The following FOXP2 variants were observed in gnomAD, a reference collection of about 807,000 sequenced individuals.
The protein encoded by FOXP2 is forkhead box protein P2.
A neutral mutation model predicts 115.8 loss-of-function variants in FOXP2; 12 were observed. The observed-to-expected ratio is 0.10, with a 90% confidence interval of 0.07 to 0.17. The LOEUF (loss-of-function observed/expected upper bound fraction) is 0.17, where lower values mean the gene tolerates loss of function less well. Ranked by LOEUF, FOXP2 falls within the 10% of genes least tolerant of loss-of-function variation. The pLI, the probability that FOXP2 is intolerant of heterozygous loss-of-function variation, is 1.00. For synonymous variants in FOXP2, 328 were observed against 297.7 expected, an observed-to-expected ratio of 1.10 and a Z score of -1.05; for missense variants, 629 against 843.5, an observed-to-expected ratio of 0.75 and a Z score of 3.15.
intron 2 of FOXP2, among the ~76,000 whole-genome samples, chr7:114,306,158 G>A (rs1171151328): frequency 6.6e-6 from 1 of 152,084 alleles, no homozygotes. Context: ...ACCAGGTCTG[G>A]TATTTGATTT....
chr7:114,405,161 A>T (rs566932447), intron 2 of FOXP2, among the ~76,000 whole-genome samples: 61 of 152,012 alleles, frequency 4.0e-4, no homozygotes, highest in African/African-American at 1.4e-3. Context: ...TTACTATATG[A>T]TAGTTTCCCT....
chr7:114,428,412 G>A (rs1002220179), intron 2 of FOXP2, among the ~76,000 whole-genome samples: 2 of 151,396 alleles, frequency 1.3e-5, no homozygotes, highest in African/African-American at 4.8e-5. Flanking sequence ...TTTGTTCTAT[G>A]CAGTTCATTA....
chr7:114,517,589 CCCTTTTA>C (rs1352369996), intron 2 of FOXP2, among the ~76,000 whole-genome samples: 1 of 152,090 alleles, frequency 6.6e-6, no homozygotes, highest in Non-Finnish European at 1.5e-5. Flanking sequence ...ATTGCCTTTT[CCCTTTTA>C]TGTGTTCTTA....
chr7:114,282,762 T>A (rs1527154), intron 1 of FOXP2, among the ~76,000 whole-genome samples: 3 of 151,840 alleles, frequency 2.0e-5, no homozygotes, highest in African/African-American at 7.3e-5. Flanking sequence ...GTATCTCTGG[T>A]GGCAGTTTTA....
intron 2 of FOXP2, among the ~76,000 whole-genome samples, chr7:114,317,477 T>C (rs908855873): frequency 3.3e-5 from 5 of 152,190 alleles, no homozygotes; most frequent in African/African-American, 4.8e-5. Flanking sequence ...AACTAATGAA[T>C]GGAAGCTGCA....
chr7:114,396,793 G>T (rs1379274128), intron 2 of FOXP2, among the ~76,000 whole-genome samples: 1 of 151,922 alleles, frequency 6.6e-6, no homozygotes, highest in East Asian at 1.9e-4. Context: ...TATATTTCAA[G>T]AATATAATGT....
intron 1 of FOXP2, among the ~76,000 whole-genome samples, chr7:114,425,068 C>G (rs1793783124): frequency 6.6e-6 from 1 of 151,230 alleles, no homozygotes; most frequent in Non-Finnish European, 1.5e-5. Context: ...GTCTGTGATT[C>G]TTTTTGTATT....
At chr7:114,212,122 A>AATAAAATATATAT (rs67192679) in intron 1 of FOXP2, among the ~76,000 whole-genome samples, 4 of 131,016 alleles carry the variant, frequency 3.1e-5, no homozygotes, top group East Asian at 2.2e-4. Context: ...AATAAAATAA[A>AATAAAATATATAT]ATATATATAT....
At chr7:114,326,056 G>A (rs1457952582) in intron 2 of FOXP2, among the ~76,000 whole-genome samples, 1 of 152,106 alleles carries the variant, frequency 6.6e-6, no homozygotes, top group Non-Finnish European at 1.5e-5. Context: ...TCAATCGTAA[G>A]AGGTGCTAAC....
At chr7:114,382,020 T>G (rs1319533239) in intron 2 of FOXP2, among the ~76,000 whole-genome samples, 1 of 152,176 alleles carries the variant, frequency 6.6e-6, no homozygotes, top group Non-Finnish European at 1.5e-5. Context: ...ACATGTATAA[T>G]GGCCCCTGCT....
At chr7:114,385,819 C>T (rs1792433701) in intron 2 of FOXP2, among the ~76,000 whole-genome samples, 2 of 151,920 alleles carry the variant, frequency 1.3e-5, no homozygotes, top group African/African-American at 4.8e-5. Flanking sequence ...AAGATGGTGG[C>T]GAGCCACTTC....
At chr7:114,463,342 G>T (rs1401984423) in intron 2 of FOXP2, among the ~76,000 whole-genome samples, 1 of 152,194 alleles carries the variant, frequency 6.6e-6, no homozygotes, top group Non-Finnish European at 1.5e-5. Flanking sequence ...ATTCTGTGAT[G>T]ATATAAATGT....
chr7:114,133,565 G>A (rs1210853263), intron 1 of FOXP2, among the ~76,000 whole-genome samples: 1 of 152,208 alleles, frequency 6.6e-6, no homozygotes, highest in East Asian at 1.9e-4. Flanking sequence ...CAGTCCTATG[G>A]TTTGGATACT....
intron 2 of FOXP2, among the ~76,000 whole-genome samples, chr7:114,377,925 T>C (rs1792182368): frequency 6.6e-6 from 1 of 152,090 alleles, no homozygotes; most frequent in Non-Finnish European, 1.5e-5. Flanking sequence ...TGTGCAATGC[T>C]CCTTTTGTCC....
At chr7:114,463,934 C>A (rs921390635) in intron 2 of FOXP2, among the ~76,000 whole-genome samples, 2 of 152,108 alleles carry the variant, frequency 1.3e-5, no homozygotes, top group African/African-American at 4.8e-5. Context: ...GACAGTGTTT[C>A]TAGCTCTATT....
At chr7:114,481,550 A>G (rs1365332806) in intron 2 of FOXP2, among the ~76,000 whole-genome samples, 2 of 151,308 alleles carry the variant, frequency 1.3e-5, no homozygotes, top group Non-Finnish European at 3.0e-5. Flanking sequence ...AGAACAACCA[A>G]TGTGTTCCTA....
chr7:114,586,137 A>G (rs773202061), intron 3 of FOXP2, among the ~76,000 whole-genome samples: 4 of 152,176 alleles, frequency 2.6e-5, no homozygotes, highest in Non-Finnish European at 2.9e-5. Context: ...AAATACAACT[A>G]ACTTGCTTGA....
intron 2 of FOXP2, among the ~76,000 whole-genome samples, chr7:114,391,463 A>G (rs1792598169): frequency 6.6e-6 from 1 of 152,180 alleles, no homozygotes; most frequent in Non-Finnish European, 1.5e-5. Context: ...TTGTGATTGC[A>G]TGTTTTTTGG....
intron 2 of FOXP2, among the ~76,000 whole-genome samples, chr7:114,475,734 T>G (rs912772985): frequency 6.6e-6 from 1 of 151,960 alleles, no homozygotes. Flanking sequence ...ACATCTCTTA[T>G]GGTTTTGAAG....
Sources: allele counts gnomAD v4.1 joint callset (sites outside exome capture counted in the v4.1 genomes callset), GRCh38; gene constraint gnomAD v4.1.1; transcripts MANE v1.5; gene names NCBI Gene and HGNC (gene_info 2026-07-23, HGNC 2026-07-21).